Variants in ERI3 observed in about 807,000 individuals in gnomAD.
ERI3 encodes the protein ERI1 exoribonuclease family member 3.
A neutral mutation model predicts 44.4 loss-of-function variants in ERI3; 18 were observed. The ratio of observed to expected loss-of-function variants is 0.41; its 90% CI spans 0.28 to 0.60. The LOEUF (loss-of-function observed/expected upper bound fraction) is 0.60, where lower values mean the gene tolerates loss of function less well. Among genes scored for constraint, ERI3 ranks in the 20% least tolerant of loss-of-function variants. ERI3 has a pLI of 0.36. For synonymous variants in ERI3, 183 were observed against 164.8 expected, an observed-to-expected ratio of 1.11 and a Z score of -0.84; for missense variants, 294 against 435.5, an observed-to-expected ratio of 0.68 and a Z score of 2.89.
Position 44,355,027 on chromosome 1 carries a change from G to T in ERI3, c.-1C>A, listed in dbSNP as rs758123558. 19 of 1,386,030 alleles carry T rather than the reference G, an allele frequency of 1.4e-5. No individual in the cohort carries two copies. Among genetic ancestry groups the T allele is most frequent in the East Asian group, 2.8e-5 (1 of 35,812 alleles). 85.9% of individuals were successfully genotyped at this position (1,386,030 alleles called of 1,614,324 possible). ...CAGCAGCGGGAGAGGCTGTCGCCAT[G>T]GCAACGCCCCCTCCTCGGGGCCAGC... On this transcript the variant is annotated 5_prime_UTR_variant, in exon 1 of 9. Coordinates refer to ENST00000372257, the MANE Select transcript of ERI3 (RefSeq NM_024066.3).
chr1:44,340,769 A>G (rs544381534), intron 2 of ERI3, among the ~76,000 whole-genome samples: 2 of 152,372 alleles, frequency 1.3e-5, no homozygotes, highest in East Asian at 3.9e-4. Flanking sequence ...GCACAAGCAC[A>G]GCACTTGTTT....
chr1:44,234,055 C>G (rs892585091), intron 8 of ERI3, among the ~76,000 whole-genome samples: 20 of 152,122 alleles, frequency 1.3e-4, no homozygotes, highest in Non-Finnish European at 1.8e-4. Context: ...TCCTTGGTTC[C>G]TTTGAACACT....
intron 7 of ERI3, among the ~76,000 whole-genome samples, chr1:44,251,825 G>GTGTC (rs1189901028): frequency 6.6e-6 from 1 of 152,198 alleles, no homozygotes. Context: ...AAGGGGCCTT[G>GTGTC]TGTCTATCTC....
Position 44,241,964 on chromosome 1 carries a change from T to C in ERI3, c.931+5975A>G. On this transcript the variant is annotated intron_variant, in intron 8 of 8. Transcript: ENST00000372257. This position sits in a 1 kb window ranked among gnomAD's most constrained non-coding sequence, Gnocchi z 5.6. ...CTATGGTTGCTACTGAAGAACAGTC[T>C]GGTGTCTGGCAAGAACCAATTCCTC... is the stretch of plus-strand genomic sequence containing the variant. 5 of 985,698 alleles carry C rather than the reference T, an allele frequency of 5.1e-6. No homozygotes were observed. The highest frequency in any genetic ancestry group is 6.0e-6 in the Non-Finnish European group (5 of 829,996). 61.1% of individuals were successfully genotyped at this position (985,698 alleles called of 1,614,324 possible). A position where few individuals can be genotyped will look rare whatever the true frequency, so the allele number is the denominator to read the frequency against.
intron 3 of ERI3, among the ~76,000 whole-genome samples, chr1:44,335,810 T>C (rs1342435757): frequency 1.3e-5 from 2 of 151,492 alleles, no homozygotes; most frequent in Non-Finnish European, 2.9e-5. Flanking sequence ...AAAGAATCTC[T>C]GTCAAATGGA....
chr1:44,242,720 G>A (rs1644465650), intron 8 of ERI3, among the ~76,000 whole-genome samples: 1 of 152,198 alleles, frequency 6.6e-6, no homozygotes, highest in South Asian at 2.1e-4. Context: ...TATGGTAGCA[G>A]GAATAGGGTG....
chr1:44,259,920 T>TAGACAGACAGACAGACAGACAGAC (rs200389542), intron 7 of ERI3, among the ~76,000 whole-genome samples: 1 of 129,636 alleles, frequency 7.7e-6, no homozygotes, highest in African/African-American at 2.9e-5. Flanking sequence ...GATAGATAGA[T>TAGACAGACAGACAGACAGACAGAC]AGACAGACAG....
At chr1:44,231,195 CT>C (rs566631993) in intron 8 of ERI3, among the ~76,000 whole-genome samples, 58 of 152,272 alleles carry the variant, frequency 3.8e-4, no homozygotes, top group African/African-American at 1.3e-3. Context: ...GAATTTTCCA[CT>C]TGTGGTATCA....
Position 44,222,889 on chromosome 1 carries a change from C to T in ERI3, c.932-1249G>A, listed in dbSNP as rs566764896. On this transcript the variant is annotated intron_variant, in intron 8 of 8. Coordinates refer to ENST00000372257, the MANE Select transcript of ERI3 (RefSeq NM_024066.3). ...TAAGGTCAAGGTGGGGTCAGGAAGC[C>T]TCTGCATGTCAAGGCCCACTTTTGC... Among the ~76,000 whole-genome samples the T allele has an allele frequency of 2.0e-5, 3 of 152,326 alleles. No individual in the cohort carries two copies. In the East Asian group the frequency reaches 5.8e-4, roughly 29 times the overall value.
At chr1:44,256,438 G>A (rs1644782094) in intron 7 of ERI3, among the ~76,000 whole-genome samples, 1 of 152,140 alleles carries the variant, frequency 6.6e-6, no homozygotes, top group East Asian at 1.9e-4. Context: ...AGCAGCAAAG[G>A]GATGGACACT....
In ERI3 at chr1:44,319,621, C is replaced by G. The variant is rs747785192; in HGVS notation, c.606+7G>C. 1 of 1,601,826 alleles carries G rather than the reference C, an allele frequency of 6.2e-7. No individual in the cohort carries two copies. The highest frequency in any genetic ancestry group is 1.1e-5 in the South Asian group (1 of 90,668). On this transcript the variant is annotated splice_region_variant and intron_variant, in intron 4 of 8. Transcript: ENST00000372257. ...CAGCCCCTGCTGCCCACTTCCAGGG[C>G]CCTTACCTCTGTACAGAATGGGGTA...
At chr1:44,317,097 C>T (rs1646103213) in intron 4 of ERI3, among the ~76,000 whole-genome samples, 2 of 152,158 alleles carry the variant, frequency 1.3e-5, no homozygotes, top group Admixed American at 1.3e-4. Flanking sequence ...CTGCTTCTCT[C>T]CCCAAGCATG....
At chr1:44,251,757 G>A (rs976822077) in intron 7 of ERI3, among the ~76,000 whole-genome samples, 3 of 152,182 alleles carry the variant, frequency 2.0e-5, no homozygotes, top group Admixed American at 6.5e-5. Context: ...TTAGAGAGGG[G>A]AGCCACATCT....
At chr1:44,232,150 T>C (rs1161480925) in intron 8 of ERI3, among the ~76,000 whole-genome samples, 1 of 152,256 alleles carries the variant, frequency 6.6e-6, no homozygotes, top group Non-Finnish European at 1.5e-5. Flanking sequence ...GGTTTATTTT[T>C]CTTGCAGCTG....
At chr1:44,350,986 A>G (rs1322599007) in intron 2 of ERI3, among the ~76,000 whole-genome samples, 1 of 152,170 alleles carries the variant, frequency 6.6e-6, no homozygotes, top group Admixed American at 6.5e-5. Flanking sequence ...TGCTGCTTCC[A>G]GTATCATCTG....
At chr1:44,284,318 T>C (rs1645348304) in intron 7 of ERI3, among the ~76,000 whole-genome samples, 1 of 152,146 alleles carries the variant, frequency 6.6e-6, no homozygotes, top group Non-Finnish European at 1.5e-5. Context: ...AATTGGACTC[T>C]AGTTTCCATG....
chr1:44,328,858 T>C (rs1646370294), intron 3 of ERI3, among the ~76,000 whole-genome samples: 1 of 152,180 alleles, frequency 6.6e-6, no homozygotes, highest in South Asian at 2.1e-4. Flanking sequence ...AGTCAAGCCC[T>C]CTAAGTCTGC....
intron 8 of ERI3, among the ~76,000 whole-genome samples, chr1:44,231,605 C>T (rs2154316011): frequency 6.6e-6 from 1 of 152,276 alleles, no homozygotes. Flanking sequence ...CCCAGCCTCC[C>T]AAAGTGCTGG....
chr1:44,344,574 T>G (rs964913511), intron 2 of ERI3, among the ~76,000 whole-genome samples: 1 of 152,172 alleles, frequency 6.6e-6, no homozygotes, highest in African/African-American at 2.4e-5. Context: ...CCTTGCACCC[T>G]CCGGTGTCTT....
Sources: gnomAD v4.1 joint callset for allele counts (sites outside exome capture counted in the v4.1 genomes callset) on GRCh38, gnomAD v4.1.1 for gene constraint, Gnocchi (gnomAD v3.1) non-coding constraint, MANE v1.5 for transcripts, NCBI Gene and HGNC (gene_info 2026-07-23, HGNC 2026-07-21) for gene names.